Variants in DLGAP2 observed in about 807,000 individuals in gnomAD.
DLGAP2 encodes the protein disks large-associated protein 2.
DLGAP2 carries 26 observed loss-of-function variants against 100.3 expected under a neutral mutation model. That is an observed-to-expected ratio of 0.26 (90% CI 0.19 to 0.36). The LOEUF is 0.36. Among genes scored for constraint, DLGAP2 ranks in the 10% least tolerant of loss-of-function variants. The pLI is 1.00. For missense variants in DLGAP2, 1,858 were observed against 1,453.2 expected, an observed-to-expected ratio of 1.28 and a Z score of -4.53; for synonymous variants, 886 against 630.1, an observed-to-expected ratio of 1.41 and a Z score of -6.08.
At chr8:1,456,028 G>A (rs181093625) in intron 3 of DLGAP2, among the ~76,000 whole-genome samples, 38 of 152,256 alleles carry the variant, frequency 2.5e-4, no homozygotes, top group African/African-American at 7.2e-4. Flanking sequence ...CCCGATGGCC[G>A]CTCGCTGATT....
chr8:1,477,662 C>T (rs556425474), intron 3 of DLGAP2, among the ~76,000 whole-genome samples: 1 of 152,286 alleles, frequency 6.6e-6, no homozygotes, highest in African/African-American at 2.4e-5. Context: ...CAGGAATGTG[C>T]ATCCAAAGTA....
rs539012554 is a variant in DLGAP2 at position 904,611 on chromosome 8, C to G, written c.19-3301C>G. On this transcript the variant is annotated intron_variant, in intron 1 of 14. Coordinates refer to ENST00000637795, the MANE Select transcript of DLGAP2 (RefSeq NM_001346810.2). ...CTCCACGTTCTGTGATTCTGCTTTC[C>G]TCAGATGAGGAGGGCCCTGCTCAGG... is the stretch of plus-strand genomic sequence containing the variant. 2.0e-5 allele frequency among the ~76,000 whole-genome samples: 3 copies of G among 152,330 alleles called. No homozygotes were observed. In the South Asian group the frequency reaches 6.2e-4, roughly 32 times the overall value.
At chr8:1,383,510 A>T (rs1796142034) in intron 3 of DLGAP2, among the ~76,000 whole-genome samples, 1 of 152,166 alleles carries the variant, frequency 6.6e-6, no homozygotes, top group Non-Finnish European at 1.5e-5. Context: ...TCAAGGAGGC[A>T]AATGGTTTAG....
intron 1 of DLGAP2, among the ~76,000 whole-genome samples, chr8:902,047 G>A (rs541568394): frequency 3.2e-4 from 49 of 152,310 alleles, no homozygotes; most frequent in African/African-American, 1.1e-3. Flanking sequence ...CATGGTCATC[G>A]GAACCGAGGA....
At chr8:1,185,426 C>G (rs965704248) in intron 2 of DLGAP2, among the ~76,000 whole-genome samples, 1 of 152,142 alleles carries the variant, frequency 6.6e-6, no homozygotes, top group East Asian at 1.9e-4. Context: ...TCAGCTTTGC[C>G]TCTGGGATGA....
At chr8:1,501,519 C>G in intron 4 of DLGAP2, 88 bp downstream of exon 4, 2 of 1,269,170 alleles carry the variant, frequency 1.6e-6, no homozygotes, top group Non-Finnish European at 2.2e-6. Flanking sequence ...GACCGTCCCA[C>G]AAACACACGT....
intron 8 of DLGAP2, among the ~76,000 whole-genome samples, chr8:1,646,723 C>T (rs1798048435): frequency 6.6e-6 from 1 of 152,178 alleles, no homozygotes; most frequent in Non-Finnish European, 1.5e-5. Flanking sequence ...GTGTCAGAGG[C>T]ACAGTCTCTG....
intron 3 of DLGAP2, among the ~76,000 whole-genome samples, chr8:1,495,469 G>C (rs1259522918): frequency 6.6e-6 from 1 of 152,220 alleles, no homozygotes; most frequent in Admixed American, 6.5e-5. Flanking sequence ...CCGAGGCCAA[G>C]AGTGGCGCTG....
At chr8:1,046,777 G>T (rs1802527638) in intron 2 of DLGAP2, among the ~76,000 whole-genome samples, 1 of 152,020 alleles carries the variant, frequency 6.6e-6, no homozygotes, top group Non-Finnish European at 1.5e-5. Flanking sequence ...AGATGCTTGT[G>T]GAATGAGGAA....
At chr8:1,354,647 G>A (rs1209577855) in intron 3 of DLGAP2, among the ~76,000 whole-genome samples, 1 of 144,580 alleles carries the variant, frequency 6.9e-6, no homozygotes, top group Non-Finnish European at 1.5e-5. Flanking sequence ...ATGATGCTGC[G>A]GATGAAGGTG....
rs758373734 is a variant in DLGAP2, at chr8:1,549,695, C to G, written c.1230+12C>G. The G allele has an allele frequency of 1.3e-6, 2 of 1,534,754 alleles. No homozygotes were observed. The highest frequency in any genetic ancestry group is 1.2e-5 in the South Asian group (1 of 84,476). ...GCCACTACCTCCAGGTAAGCAGGCT[C>G]ACGGCCCTGTGGAGGCCGTCTCGGC... On this transcript the variant is annotated intron_variant, in intron 5 of 14. Coordinates refer to ENST00000637795, the MANE Select transcript of DLGAP2 (RefSeq NM_001346810.2).
At chr8:1,229,611 T>TAA (rs1798492442) in intron 2 of DLGAP2, among the ~76,000 whole-genome samples, 1 of 152,100 alleles carries the variant, frequency 6.6e-6, no homozygotes, top group African/African-American at 2.4e-5. Context: ...TGAACACAGA[T>TAA]GCAAACATTC....
At chr8:1,493,915 G>C (rs565071672) in intron 3 of DLGAP2, among the ~76,000 whole-genome samples, 2 of 152,332 alleles carry the variant, frequency 1.3e-5, no homozygotes, top group African/African-American at 4.8e-5. Context: ...TTTCGAAAAA[G>C]GCCTGTACTA....
intron 12 of DLGAP2, among the ~76,000 whole-genome samples, chr8:1,685,205 GC>G (rs1018747504): frequency 6.6e-6 from 1 of 152,200 alleles, no homozygotes; most frequent in African/African-American, 2.4e-5. Context: ...CTGACAAAGA[GC>G]CCAGAGAGAC....
At chr8:759,677 C>T (rs1821029010) in intron 1 of DLGAP2, among the ~76,000 whole-genome samples, 1 of 152,186 alleles carries the variant, frequency 6.6e-6, no homozygotes, top group Admixed American at 6.5e-5. Flanking sequence ...GGCGGTTTCC[C>T]CATGTGACTC....
intron 2 of DLGAP2, chr8:1,250,669 C>T (rs556862233): frequency 6.6e-6 from 1 of 152,128 alleles, no homozygotes; most frequent in Admixed American, 6.6e-5. Flanking sequence ...TCCTACCGTT[C>T]ATTGCTTTAT....
chr8:768,950 C>G (rs560954929), intron 1 of DLGAP2, among the ~76,000 whole-genome samples: 1 of 152,188 alleles, frequency 6.6e-6, no homozygotes, highest in African/African-American at 2.4e-5. Flanking sequence ...GAACCTTGGG[C>G]GTCCGCAGCC....
intron 7 of DLGAP2, among the ~76,000 whole-genome samples, chr8:1,627,254 C>G (rs140590117): frequency 6.6e-6 from 1 of 152,326 alleles, no homozygotes; most frequent in African/African-American, 2.4e-5. Context: ...GCTCTCAGCT[C>G]TGTCCTCTGA....
intron 3 of DLGAP2, among the ~76,000 whole-genome samples, chr8:1,332,417 G>A (rs369225880): frequency 3.9e-5 from 6 of 151,900 alleles, no homozygotes; most frequent in South Asian, 4.1e-4. Flanking sequence ...GAGTATATGC[G>A]TGTGTCAGTG....
Sources: allele counts gnomAD v4.1 joint callset (sites outside exome capture counted in the v4.1 genomes callset), GRCh38; gene constraint gnomAD v4.1.1; transcripts MANE v1.5; gene names NCBI Gene and HGNC (gene_info 2026-07-23, HGNC 2026-07-21).